Variants in SLC8A1 observed in about 807,000 individuals in gnomAD.
SLC8A1 encodes solute carrier family 8 member A1.
Under a neutral mutation model 68.3 loss-of-function variants are expected in SLC8A1, and 18 were observed. That is an observed-to-expected ratio of 0.26 (90% CI 0.18 to 0.39). The LOEUF is 0.39. Ranked by LOEUF, SLC8A1 falls within the 10% of genes least tolerant of loss-of-function variation. SLC8A1 has a pLI of 1.00. For missense variants in SLC8A1, 985 were observed against 1,156.7 expected (o/e 0.85, Z 2.15); for synonymous variants, 475 against 415.5 (o/e 1.14, Z -1.74).
chr2:40,331,506 A>C (rs1043329678), intron 2 of SLC8A1, among the ~76,000 whole-genome samples: 2 of 152,180 alleles, frequency 1.3e-5, no homozygotes, highest in Non-Finnish European at 2.9e-5. Flanking sequence ...ATTTTATGTG[A>C]GTTAACTGCA....
rs1324608555 is a variant in SLC8A1 at position 40,139,386 on chromosome 2, G to T, written c.2437+15C>A. ...TTCTGCTACTGGGGGAATTATACAT[G>T]AATGTAATTTGTACCTGGCACTGAT... is the stretch of plus-strand genomic sequence containing the variant. On this transcript the variant is annotated intron_variant, in intron 7 of 7. Transcript: ENST00000406785. 1 of 1,613,220 alleles carries T rather than the reference G, an allele frequency of 6.2e-7. No homozygotes were observed. The highest frequency in any genetic ancestry group is 8.5e-7 in the Non-Finnish European group (1 of 1,179,330).
intron 2 of SLC8A1, among the ~76,000 whole-genome samples, chr2:40,400,197 G>C (rs557995624): frequency 6.6e-6 from 1 of 152,140 alleles, no homozygotes; most frequent in Non-Finnish European, 1.5e-5. Flanking sequence ...GATGCCCCCG[G>C]CCGAATAAAC....
At chr2:40,230,537 A>G (rs1339104839) in intron 2 of SLC8A1, among the ~76,000 whole-genome samples, 5 of 152,076 alleles carry the variant, frequency 3.3e-5, no homozygotes, top group Admixed American at 2.0e-4. Flanking sequence ...TTCTACATCA[A>G]CTCTTAATCA....
intron 1 of SLC8A1, among the ~76,000 whole-genome samples, chr2:40,499,613 C>G (rs948742217): frequency 3.3e-5 from 5 of 152,008 alleles, no homozygotes; most frequent in Admixed American, 6.6e-5. Context: ...GCTGTCTGCC[C>G]ACACACTTCC....
chr2:40,243,670 A>C (rs1351598713), intron 2 of SLC8A1, among the ~76,000 whole-genome samples: 1 of 152,208 alleles, frequency 6.6e-6, no homozygotes. Context: ...ACATCACATC[A>C]GCACTGTGTA....
intron 2 of SLC8A1, among the ~76,000 whole-genome samples, chr2:40,392,325 G>C (rs1685570568): frequency 6.6e-6 from 1 of 152,044 alleles, no homozygotes; most frequent in Non-Finnish European, 1.5e-5. Flanking sequence ...TAAATCTCAA[G>C]AGGCCATCTT....
intron 1 of SLC8A1, 75 bp from the exon 2 acceptor site, chr2:40,430,379 T>A: frequency 3.6e-6 from 5 of 1,402,284 alleles, no homozygotes; most frequent in Non-Finnish European, 4.7e-6. Context: ...CATTACTAAT[T>A]ACTTATTTTT....
chr2:40,128,010 A>G (rs1009262718), intron 7 of SLC8A1, among the ~76,000 whole-genome samples: 2 of 152,244 alleles, frequency 1.3e-5, no homozygotes, highest in Non-Finnish European at 2.9e-5. Flanking sequence ...GAATCAGAGT[A>G]TAAACAAGTA....
intron 2 of SLC8A1, among the ~76,000 whole-genome samples, chr2:40,273,819 AGAG>A (rs2066349832): frequency 6.6e-6 from 1 of 152,036 alleles, no homozygotes; most frequent in South Asian, 2.1e-4. Flanking sequence ...TGCACAATAA[AGAG>A]GAGAAGCAGG....
At chr2:40,472,765 C>T (rs547116348) in intron 1 of SLC8A1, among the ~76,000 whole-genome samples, 4 of 152,248 alleles carry the variant, frequency 2.6e-5, no homozygotes, top group African/African-American at 9.6e-5. Flanking sequence ...ATGGAGTTAA[C>T]ATAACCAATC....
intron 2 of SLC8A1, among the ~76,000 whole-genome samples, chr2:40,410,935 A>C (rs1691940541): frequency 6.6e-6 from 1 of 152,096 alleles, no homozygotes; most frequent in East Asian, 1.9e-4. Flanking sequence ...ATGGGATTCA[A>C]AATGGGATTT....
intron 2 of SLC8A1, among the ~76,000 whole-genome samples, chr2:40,306,880 T>C (rs2072723357): frequency 6.6e-6 from 1 of 152,092 alleles, no homozygotes; most frequent in Non-Finnish European, 1.5e-5. Context: ...TTGTGATGAG[T>C]CAGAGAATAA....
chr2:40,331,943 T>A (rs1482397766), intron 2 of SLC8A1, among the ~76,000 whole-genome samples: 4 of 152,028 alleles, frequency 2.6e-5, no homozygotes, highest in Non-Finnish European at 5.9e-5. Flanking sequence ...TCTCTCCATG[T>A]ATTTATTTAT....
intron 2 of SLC8A1, among the ~76,000 whole-genome samples, chr2:40,278,793 A>G (rs1226875722): frequency 1.3e-5 from 2 of 151,892 alleles, no homozygotes; most frequent in Non-Finnish European, 2.9e-5. Flanking sequence ...TGAAAAAAAC[A>G]GAAACCCCCA....
chr2:40,174,931 C>T, intron 3 of SLC8A1, 89 bp from the exon 5 acceptor site: 1 of 1,237,864 alleles, frequency 8.1e-7, no homozygotes, highest in Non-Finnish European at 1.2e-6. Context: ...ACAACCCACC[C>T]AAGGTACTTG....
intron 2 of SLC8A1, among the ~76,000 whole-genome samples, chr2:40,406,711 G>A (rs1690452938): frequency 6.6e-6 from 1 of 152,166 alleles, no homozygotes; most frequent in African/African-American, 2.4e-5. Flanking sequence ...AGCCATGGAG[G>A]AAGCAACATG....
intron 1 of SLC8A1, among the ~76,000 whole-genome samples, chr2:40,479,236 A>G (rs1390121742): frequency 6.6e-6 from 1 of 152,236 alleles, no homozygotes; most frequent in African/African-American, 2.4e-5. Context: ...ATTTTAAATT[A>G]GTATCTTTTT....
At chr2:40,433,942 A>C (rs1218246438) in intron 1 of SLC8A1, among the ~76,000 whole-genome samples, 1 of 152,166 alleles carries the variant, frequency 6.6e-6, no homozygotes, top group Non-Finnish European at 1.5e-5. Context: ...CAAACAGACA[A>C]GCATCAATAA....
intron 2 of SLC8A1, among the ~76,000 whole-genome samples, chr2:40,225,294 G>C (rs1050007147): frequency 6.6e-6 from 1 of 152,100 alleles, no homozygotes; most frequent in Non-Finnish European, 1.5e-5. Flanking sequence ...TAGTGGAAAT[G>C]ATAAAATGAT....
Sources: allele counts gnomAD v4.1 joint callset (sites outside exome capture counted in the v4.1 genomes callset), GRCh38; gene constraint gnomAD v4.1.1; transcripts MANE v1.5; gene names NCBI Gene and HGNC (gene_info 2026-07-23, HGNC 2026-07-21).